The following TENM3 variants were observed in gnomAD, a reference collection of about 807,000 sequenced individuals.
TENM3 encodes teneurin-3.
TENM3 carries 63 observed loss-of-function variants against 255.1 expected under a neutral mutation model. That is an observed-to-expected ratio of 0.25 (90% CI 0.20 to 0.30). The LOEUF is 0.30. Among genes scored for constraint, TENM3 ranks in the 10% least tolerant of loss-of-function variants. The pLI is 1.00. For synonymous variants in TENM3, 1,306 were observed against 1,322.3 expected (o/e 0.99, Z 0.27); for missense variants, 2,929 against 3,461.1 (o/e 0.85, Z 3.86).
chr4:181,595,430 C>CAAAAAAAAAA, the TENM3 span, among the ~76,000 whole-genome samples: 2 of 41,834 alleles, frequency 4.8e-5, no homozygotes, highest in Non-Finnish European at 9.8e-5. Context: ...GACTCCATCC[C>CAAAAAAAAAA]AAAAAAAAAA....
the TENM3 span, among the ~76,000 whole-genome samples, chr4:181,480,489 T>A: frequency 6.6e-6 from 1 of 152,120 alleles, no homozygotes; most frequent in African/African-American, 2.4e-5. Context: ...TTTGGTGATA[T>A]TTTGTGAATG....
At chr4:182,470,383 A>G (rs1733004156) in intron 3 of TENM3, among the ~76,000 whole-genome samples, 1 of 152,208 alleles carries the variant, frequency 6.6e-6, no homozygotes, top group Non-Finnish European at 1.5e-5. Context: ...TAACATATGA[A>G]TGATAAGAAG....
At chr4:182,143,947 G>T, upstream of TENM3, 1 of 152,796 alleles carries the variant, frequency 6.5e-6, no homozygotes, top group Non-Finnish European at 1.5e-5. The surrounding 1 kb of genome is among the most constrained non-coding windows in gnomAD (Gnocchi z 4.3). Context: ...GGAGGGAGGG[G>T]CGGCGAACGT....
chr4:182,235,005 A>G (rs767928413), intron 1 of TENM3, among the ~76,000 whole-genome samples: 8 of 152,138 alleles, frequency 5.3e-5, no homozygotes, highest in African/African-American at 7.2e-5. Flanking sequence ...GGTCACTGTC[A>G]TCAAAGCTGA....
the TENM3 span, among the ~76,000 whole-genome samples, chr4:181,712,153 C>A: frequency 6.6e-6 from 1 of 152,110 alleles, no homozygotes; most frequent in Non-Finnish European, 1.5e-5. Context: ...AAGGAAGGAG[C>A]ATTGAGAGAC....
intron 13 of TENM3, among the ~76,000 whole-genome samples, chr4:182,720,372 A>G (rs1305032367): frequency 6.6e-6 from 1 of 152,160 alleles, no homozygotes; most frequent in Non-Finnish European, 1.5e-5. Flanking sequence ...GTTTAAAAAA[A>G]AAAATTACAA....
chr4:182,240,116 G>C (rs541630571), upstream of TENM3, among the ~76,000 whole-genome samples: 2 of 152,286 alleles, frequency 1.3e-5, no homozygotes, highest in Non-Finnish European at 2.9e-5. Flanking sequence ...AGAAAAAGTG[G>C]ATATTGGCTG....
At chr4:182,658,073 C>T (rs984449223) in intron 6 of TENM3, among the ~76,000 whole-genome samples, 18 of 152,218 alleles carry the variant, frequency 1.2e-4, no homozygotes, top group African/African-American at 3.4e-4. Context: ...TCCTCCTCTA[C>T]CTTCACCACA....
At chr4:182,018,441 G>A in the TENM3 span, among the ~76,000 whole-genome samples, 1 of 152,170 alleles carries the variant, frequency 6.6e-6, no homozygotes, top group Admixed American at 6.5e-5. Flanking sequence ...AATGGATGGG[G>A]ATTATTTGCT....
At chr4:182,473,657 A>G (rs1733380889) in intron 3 of TENM3, among the ~76,000 whole-genome samples, 1 of 152,052 alleles carries the variant, frequency 6.6e-6, no homozygotes, top group African/African-American at 2.4e-5. Context: ...TGGGCGACAG[A>G]GCGAGACTTC....
the TENM3 span, among the ~76,000 whole-genome samples, chr4:181,548,134 C>A: frequency 6.6e-6 from 1 of 151,986 alleles, no homozygotes; most frequent in African/African-American, 2.4e-5. Context: ...CCAGTTAGAA[C>A]GGCGATCATT....
At chr4:181,836,078 G>A in the TENM3 span, among the ~76,000 whole-genome samples, 529 of 152,068 alleles carry the variant, frequency 3.5e-3, 5 homozygotes, top group African/African-American at 0.012. Context: ...GATGGACTGC[G>A]AGCTCCTTGA....
the TENM3 span, among the ~76,000 whole-genome samples, chr4:181,884,713 AT>A: frequency 6.6e-6 from 1 of 152,060 alleles, no homozygotes; most frequent in African/African-American, 2.4e-5. Flanking sequence ...CAGTCTTTAG[AT>A]TTTTTTCCCT....
At chr4:181,811,945 T>C in the TENM3 span, among the ~76,000 whole-genome samples, 6 of 152,324 alleles carry the variant, frequency 3.9e-5, no homozygotes, top group Non-Finnish European at 7.3e-5. Context: ...CTAGATTGAG[T>C]GTGATTAAAC....
chr4:182,779,062 T>G (rs1427785299), intron 24 of TENM3, among the ~76,000 whole-genome samples: 2 of 151,544 alleles, frequency 1.3e-5, no homozygotes, highest in African/African-American at 4.8e-5. Flanking sequence ...CTTTTCTTTT[T>G]TTTTTTTATT....
At chr4:182,767,570 ATG>A (rs779926501) in intron 22 of TENM3, among the ~76,000 whole-genome samples, 2 of 152,076 alleles carry the variant, frequency 1.3e-5, no homozygotes, top group Non-Finnish European at 2.9e-5. Flanking sequence ...TCTGTATAAA[ATG>A]TGTGTGTGTG....
chr4:181,574,322 G>A, the TENM3 span, among the ~76,000 whole-genome samples: 2 of 151,890 alleles, frequency 1.3e-5, no homozygotes, highest in African/African-American at 4.8e-5. Flanking sequence ...ATGAGGTCAG[G>A]AGATCGAGAC....
intron 1 of TENM3, among the ~76,000 whole-genome samples, chr4:182,168,936 T>G (rs1314986234): frequency 6.6e-6 from 1 of 152,166 alleles, no homozygotes; most frequent in Non-Finnish European, 1.5e-5. Flanking sequence ...TTTGCCCAAT[T>G]TTTTAGAATA....
At chr4:181,945,039 G>C in the TENM3 span, among the ~76,000 whole-genome samples, 1 of 151,966 alleles carries the variant, frequency 6.6e-6, no homozygotes, top group South Asian at 2.1e-4. Context: ...ACATCTATTT[G>C]CCCACCACGA....
Sources: gnomAD v4.1 joint callset for allele counts (sites outside exome capture counted in the v4.1 genomes callset) on GRCh38, gnomAD v4.1.1 for gene constraint, Gnocchi (gnomAD v3.1) non-coding constraint, MANE v1.5 for transcripts, NCBI Gene and HGNC (gene_info 2026-07-23, HGNC 2026-07-21) for gene names.